Variants in PDZRN4 observed in about 807,000 individuals in gnomAD.
PDZRN4 encodes PDZ domain containing ring finger 4.
A neutral mutation model predicts 99.0 loss-of-function variants in PDZRN4; 70 were observed. That is an observed-to-expected ratio of 0.71 (90% CI 0.58 to 0.86). The LOEUF (loss-of-function observed/expected upper bound fraction) is 0.86. Among genes scored for constraint, PDZRN4 ranks in the 40% least tolerant of loss-of-function variants. The pLI is 0.00. For synonymous variants in PDZRN4, 551 were observed against 501.6 expected (o/e 1.10, Z -1.32); for missense variants, 1,474 against 1,331.2 (o/e 1.11, Z -1.67).
At chr12:41,495,851 C>A (rs545607700) in intron 3 of PDZRN4, among the ~76,000 whole-genome samples, 19 of 152,108 alleles carry the variant, frequency 1.2e-4, no homozygotes, top group Admixed American at 6.6e-4. Context: ...CTCCTTTCTC[C>A]CATCTGTGCA....
chr12:41,537,961 C>T (rs1938777882), intron 5 of PDZRN4, among the ~76,000 whole-genome samples: 1 of 152,100 alleles, frequency 6.6e-6, no homozygotes, highest in African/African-American at 2.4e-5. Flanking sequence ...AGCTGAAAAG[C>T]TTGGCTGCAC....
chr12:41,237,226 C>T (rs1951073736), intron 3 of PDZRN4, among the ~76,000 whole-genome samples: 1 of 151,994 alleles, frequency 6.6e-6, no homozygotes, highest in South Asian at 2.1e-4. Flanking sequence ...ACAGAGCATA[C>T]AGTCCAGAAA....
chr12:41,453,168 G>A (rs1357963353), intron 3 of PDZRN4, among the ~76,000 whole-genome samples: 1 of 152,174 alleles, frequency 6.6e-6, no homozygotes, highest in Non-Finnish European at 1.5e-5. Flanking sequence ...AGTTTCCAGA[G>A]TAGGAAGAAG....
At chr12:41,321,276 C>T (rs1951675688) in intron 3 of PDZRN4, among the ~76,000 whole-genome samples, 1 of 152,182 alleles carries the variant, frequency 6.6e-6, no homozygotes, top group Non-Finnish European at 1.5e-5. Flanking sequence ...GCCTGGACCA[C>T]ACTGCCTCAA....
intron 3 of PDZRN4, among the ~76,000 whole-genome samples, chr12:41,309,869 A>G (rs904131711): frequency 6.6e-6 from 1 of 152,160 alleles, no homozygotes; most frequent in Non-Finnish European, 1.5e-5. Flanking sequence ...TACAATATCC[A>G]ACATGGTTGT....
chr12:41,334,289 T>C (rs912400670), intron 3 of PDZRN4, among the ~76,000 whole-genome samples: 1 of 151,896 alleles, frequency 6.6e-6, no homozygotes, highest in Admixed American at 6.6e-5. Flanking sequence ...TTTGTTTAGT[T>C]TGGTTTTGTT....
intron 3 of PDZRN4, among the ~76,000 whole-genome samples, chr12:41,261,226 T>A (rs534628513): frequency 6.6e-6 from 1 of 152,252 alleles, no homozygotes; most frequent in South Asian, 2.1e-4. Flanking sequence ...CTACCTTTCG[T>A]TGCATTTCGA....
chr12:41,194,853 G>A (rs775986464), intron 3 of PDZRN4, among the ~76,000 whole-genome samples: 15 of 152,060 alleles, frequency 9.9e-5, no homozygotes, highest in Non-Finnish European at 1.9e-4. Flanking sequence ...CTCTGTTGAG[G>A]AACATTTCTG....
intron 5 of PDZRN4, among the ~76,000 whole-genome samples, chr12:41,532,004 T>C (rs1008781769): frequency 2.0e-5 from 3 of 152,296 alleles, no homozygotes; most frequent in African/African-American, 4.8e-5. Flanking sequence ...AAAAAATCTT[T>C]CTTTCGCAAA....
intron 3 of PDZRN4, among the ~76,000 whole-genome samples, chr12:41,390,086 T>C (rs1952199137): frequency 1.3e-5 from 2 of 152,140 alleles, no homozygotes; most frequent in South Asian, 2.1e-4. Flanking sequence ...GGTAGGTGCC[T>C]GAGATTAAAA....
chr12:41,281,734 A>G lies in PDZRN4; in HGVS notation c.843+87546A>G, dbSNP rs537996717. On this transcript the variant is annotated intron_variant, in intron 3 of 9. Transcript: ENST00000402685. ...GGGACTATGTGAAAAGACCAAACCT[A>G]TGTTTCACTGGTGTACCTGAAAGTG... Among the ~76,000 whole-genome samples the G allele has an allele frequency of 6.6e-5, 10 of 152,280 alleles. No homozygotes were observed. In the South Asian group the frequency reaches 2.1e-3, roughly 32 times the overall value.
intron 3 of PDZRN4, among the ~76,000 whole-genome samples, chr12:41,407,815 A>C (rs763466542): frequency 2.0e-5 from 3 of 152,240 alleles, no homozygotes; most frequent in Non-Finnish European, 2.9e-5. Context: ...TCTGCGAGAA[A>C]AGATGAGTCC....
At chr12:41,456,781 G>A (rs754241813) in intron 3 of PDZRN4, among the ~76,000 whole-genome samples, 1 of 152,144 alleles carries the variant, frequency 6.6e-6, no homozygotes, top group Admixed American at 6.5e-5. Context: ...AGGAAAGAAC[G>A]AGAAAGTTAA....
At chr12:41,198,549 G>A (rs919724171) in intron 3 of PDZRN4, among the ~76,000 whole-genome samples, 7 of 143,218 alleles carry the variant, frequency 4.9e-5, no homozygotes, top group Middle Eastern at 3.9e-3. Flanking sequence ...AGCATAAAAG[G>A]CATTTTCCTT....
At chr12:41,497,860 C>T (rs1938036810) in intron 3 of PDZRN4, among the ~76,000 whole-genome samples, 1 of 152,002 alleles carries the variant, frequency 6.6e-6, no homozygotes, top group African/African-American at 2.4e-5. Flanking sequence ...GGATATGCAA[C>T]AGAAACAAAC....
At chr12:41,487,200 A>G (rs1312857848) in intron 3 of PDZRN4, among the ~76,000 whole-genome samples, 1 of 152,114 alleles carries the variant, frequency 6.6e-6, no homozygotes, top group Non-Finnish European at 1.5e-5. Flanking sequence ...TTGTTCATTG[A>G]CATTATCTCA....
At chr12:41,566,309 C>G (rs1029678396) in intron 8 of PDZRN4, among the ~76,000 whole-genome samples, 1 of 152,040 alleles carries the variant, frequency 6.6e-6, no homozygotes, top group African/African-American at 2.4e-5. Flanking sequence ...AAGAAAAATT[C>G]CTTGATGTGT....
At chr12:41,240,894 T>C (rs559305772) in intron 3 of PDZRN4, among the ~76,000 whole-genome samples, 22 of 152,302 alleles carry the variant, frequency 1.4e-4, no homozygotes, top group African/African-American at 5.1e-4. Context: ...TTTCAACATA[T>C]GAATTTTGGG....
At chr12:41,347,243 C>T (rs1366742883) in intron 3 of PDZRN4, among the ~76,000 whole-genome samples, 1 of 152,038 alleles carries the variant, frequency 6.6e-6, no homozygotes, top group African/African-American at 2.4e-5. Flanking sequence ...TTTCACAGCT[C>T]CATCATTTTA....
Sources: allele counts gnomAD v4.1 joint callset (sites outside exome capture counted in the v4.1 genomes callset), GRCh38; gene constraint gnomAD v4.1.1; transcripts MANE v1.5; gene names NCBI Gene and HGNC (gene_info 2026-07-23, HGNC 2026-07-21).